Variants in PCIF1 observed in about 807,000 individuals in gnomAD.
PCIF1 encodes the protein phosphorylated CTD interacting factor 1.
Under a neutral mutation model 86.9 loss-of-function variants are expected in PCIF1, and 12 were observed. The observed-to-expected ratio is 0.14, with a 90% CI of 0.09 to 0.22. The LOEUF (loss-of-function observed/expected upper bound fraction) is 0.22. Ranked by LOEUF, PCIF1 falls within the 10% of genes least tolerant of loss-of-function variation. PCIF1 has a pLI of 1.00. For missense variants in PCIF1, 701 were observed against 951.1 expected, an observed-to-expected ratio of 0.74 and a Z score of 3.46; for synonymous variants, 397 against 372.0, an observed-to-expected ratio of 1.07 and a Z score of -0.77.
rs894325078 is a variant in PCIF1 at position 45,943,839 on chromosome 20, T to C, written c.1005+74T>C. On this transcript the variant is annotated intron_variant, in intron 10 of 16. Transcript: ENST00000372409. The surrounding 1 kb of genome is among the most constrained non-coding windows in gnomAD (Gnocchi z 5.5). ...CTTCCTCCAGGAAGCCTACTCTGCC[T>C]GTCCAGGCTGGGCAAGGCCTCCCCC... is the stretch of plus-strand genomic sequence containing the variant. 10 of 1,332,166 alleles carry C rather than the reference T, an allele frequency of 7.5e-6. No individual in the cohort carries two copies. The Admixed American group carries it at 1.0e-4, about 14-fold the overall frequency. 82.5% of individuals were successfully genotyped at this position (1,332,166 alleles called of 1,614,324 possible). A position where few individuals can be genotyped will look rare whatever the true frequency, so the allele number is the denominator to read the frequency against.
At position 45,943,512 on chromosome 20, in the gene PCIF1, C is replaced by A; in HGVS notation, c.905+89C>A. 2.9e-6 allele frequency: 4 copies of A among 1,400,668 alleles called. No individual in the cohort carries two copies. Among genetic ancestry groups the A allele is most frequent in the South Asian group, 2.4e-5 (2 of 83,384 alleles). 86.8% of individuals were successfully genotyped at this position (1,400,668 alleles called of 1,614,324 possible). On this transcript the variant is annotated intron_variant, in intron 9 of 16. Coordinates refer to ENST00000372409, the MANE Select transcript of PCIF1 (RefSeq NM_022104.4). This position sits in a 1 kb window ranked among gnomAD's most constrained non-coding sequence, Gnocchi z 5.5. ...CTTGCCCAGTCTCATGCAGGGCTGTCATTGCTCTCGGTGGCAGAAGTGGGG... is the reference window on the plus strand; with the variant it reads ...CTTGCCCAGTCTCATGCAGGGCTGTAATTGCTCTCGGTGGCAGAAGTGGGG...
chr20:45,934,913 T>G (rs1159623125), intron 1 of PCIF1, 109 bp downstream of exon 1: 1 of 396,256 alleles, frequency 2.5e-6, no homozygotes, highest in Non-Finnish European at 4.4e-6. Flanking sequence ...GACTGCCGCT[T>G]GCCCTGTCTC....
chr20:45,943,378 T>A lies in PCIF1; in HGVS notation c.860T>A (p.Leu287Gln). ...AAGTTCCGGGAGGAAGCCAAGCGCCTGCTCTTTAAATATGCGGAGGCCGCC... is the reference window on the plus strand; with the variant it reads ...AAGTTCCGGGAGGAAGCCAAGCGCCAGCTCTTTAAATATGCGGAGGCCGCC... The part of the protein sequence containing the change: ...RIKFREEAKR[L>Q]LFKYAEAARR... The change falls in exon 9 of 17, where the codon CTG becomes CAG. Residue 287 changes from leucine to glutamine, a missense_variant. Leu to Gln is a moderately radical substitution (Grantham distance 113). This residue lies in a region of PCIF1 where 129 missense variants were observed against 245.9 expected (regional missense o/e 0.52). Coordinates refer to ENST00000372409, the MANE Select transcript of PCIF1 (RefSeq NM_022104.4). The surrounding 1 kb of genome is among the most constrained non-coding windows in gnomAD (Gnocchi z 5.5). 6.2e-7 allele frequency: 1 copy of A among 1,614,112 alleles called. No individual in the cohort carries two copies. The highest frequency in any genetic ancestry group is 8.5e-7 in the Non-Finnish European group (1 of 1,180,010).
chr20:45,945,130 T>TG, intron 11 of PCIF1, 100 bp downstream of exon 11: 1 of 1,388,508 alleles, frequency 7.2e-7, no homozygotes, highest in East Asian at 2.5e-5. Flanking sequence ...GGGACTGGTT[T>TG]GGGGCAGAAC....
intron 1 of PCIF1, among the ~76,000 whole-genome samples, chr20:45,937,018 C>T (rs2083432547): frequency 9.5e-6 from 1 of 105,370 alleles, no homozygotes; most frequent in Non-Finnish European, 2.0e-5. Flanking sequence ...AACTCCTAGC[C>T]CAGCTCCCAA....
Position 45,943,473 on chromosome 20 carries a change from A to G in PCIF1, c.905+50A>G. 6.4e-7 allele frequency: 1 copy of G among 1,557,052 alleles called. No individual in the cohort carries two copies. Among genetic ancestry groups the G allele is most frequent in the Non-Finnish European group, 8.8e-7 (1 of 1,135,174 alleles). On this transcript the variant is annotated intron_variant, in intron 9 of 16. Transcript: ENST00000372409. This position sits in a 1 kb window ranked among gnomAD's most constrained non-coding sequence, Gnocchi z 5.5. ...GAGATGGGTCTGTGATTAAAGTGGC[A>G]GGTCATAGGCCATCTTGCCCAGTCT...
At chr20:45,944,570 A>T (rs1381049584) in intron 10 of PCIF1, among the ~76,000 whole-genome samples, 1 of 152,194 alleles carries the variant, frequency 6.6e-6, no homozygotes, top group East Asian at 1.9e-4. Flanking sequence ...GTGTAACCCC[A>T]ACAAAAGCTA....
chr20:45,946,892 T>G (rs2083532840), intron 14 of PCIF1, among the ~76,000 whole-genome samples, 181 bp from the exon 15 acceptor site: 2 of 152,168 alleles, frequency 1.3e-5, no homozygotes, highest in African/African-American at 4.8e-5. Context: ...TGAGCCTCAC[T>G]CACTGTCCTC....
At chr20:45,946,446 C>T in intron 14 of PCIF1, 62 bp downstream of exon 14, 1 of 1,552,730 alleles carries the variant, frequency 6.4e-7, no homozygotes, top group Non-Finnish European at 8.8e-7. Context: ...AGCACAGGGC[C>T]CGCCTCTGCT....
chr20:45,935,281 C>T (rs1162110842), intron 1 of PCIF1, among the ~76,000 whole-genome samples: 1 of 152,140 alleles, frequency 6.6e-6, no homozygotes, highest in Admixed American at 6.5e-5. Flanking sequence ...CTCCTCCCTA[C>T]TGGGCCGGAG....
intron 2 of PCIF1, among the ~76,000 whole-genome samples, chr20:45,938,208 C>A (rs577739501): frequency 6.6e-6 from 1 of 152,180 alleles, no homozygotes; most frequent in African/African-American, 2.4e-5. Flanking sequence ...CTGGTACTTA[C>A]AGTAAATATT....
At chr20:45,946,665 G>A (rs2083529855) in intron 14 of PCIF1, among the ~76,000 whole-genome samples, 1 of 152,094 alleles carries the variant, frequency 6.6e-6, no homozygotes, top group African/African-American at 2.4e-5. Context: ...TGAGAGGAGT[G>A]AGAAGTGGGG....
Position 45,940,564 on chromosome 20 carries a change from G to A in PCIF1, c.339G>A (p.Arg113=), listed in dbSNP as rs1190675541. ...CGGCTGAGAACAAGCCCAGAAAGCG[G>A]CAGCTCTCGGAAGAGCAGCCAAGCG... ...TPPAENKPRK[R]QLSEEQPSGN... The change falls in exon 5 of 17, where the codon CGG becomes CGA. Residue 113 remains arginine, a synonymous_variant. Coordinates refer to ENST00000372409, the MANE Select transcript of PCIF1 (RefSeq NM_022104.4). The A allele has an allele frequency of 1.9e-6, 3 of 1,609,246 alleles. No homozygotes were observed. The highest frequency in any genetic ancestry group is 2.5e-6 in the Non-Finnish European group (3 of 1,177,774).
At chr20:45,935,481 G>A (rs2083416211) in intron 1 of PCIF1, among the ~76,000 whole-genome samples, 1 of 152,118 alleles carries the variant, frequency 6.6e-6, no homozygotes, top group South Asian at 2.1e-4. Flanking sequence ...GTTAACTTAA[G>A]AGCAGTTATG....
At position 45,947,313 on chromosome 20, in the gene PCIF1, T is replaced by C. The variant is rs1446780969; in HGVS notation, c.1758T>C (p.Pro586=). ...CCCTGTCCTTCATCGTGTTCATCCCTGAGTGGCGGGAACCCCCAACACCAG... is the reference window on the plus strand; with the variant it reads ...CCCTGTCCTTCATCGTGTTCATCCCCGAGTGGCGGGAACCCCCAACACCAG... ...PEPLSFIVFI[P]EWREPPTPAL... The change falls in exon 16 of 17, where the codon CCT becomes CCC. Residue 586 remains proline, a synonymous_variant. Coordinates refer to ENST00000372409, the MANE Select transcript of PCIF1 (RefSeq NM_022104.4). This position sits in a 1 kb window ranked among gnomAD's most constrained non-coding sequence, Gnocchi z 5.4. The C allele has an allele frequency of 6.2e-7, 1 of 1,614,108 alleles. No homozygotes were observed. Among genetic ancestry groups the C allele is most frequent in the Non-Finnish European group, 8.5e-7 (1 of 1,180,012 alleles).
intron 13 of PCIF1, 41 bp downstream of exon 13, chr20:45,946,156 A>G: frequency 6.2e-7 from 1 of 1,614,050 alleles, no homozygotes; most frequent in Non-Finnish European, 8.5e-7. Context: ...CCAGGAGGGA[A>G]CAGGGAGGGT....
rs1802867803 is a variant in PCIF1, at chr20:45,946,401, G to A, written c.1613+17G>A. 1.9e-6 allele frequency: 3 copies of A among 1,610,384 alleles called. No individual in the cohort carries two copies. The highest frequency in any genetic ancestry group is 2.5e-6 in the Non-Finnish European group (3 of 1,179,442). On this transcript the variant is annotated intron_variant, in intron 14 of 16. Transcript: ENST00000372409. ...CTCCCGCGGGTGAGGGCCAAGGGCT[G>A]CCCCTCTACCCAGGCCAGGGAAGAG...
intron 7 of PCIF1, among the ~76,000 whole-genome samples, chr20:45,942,096 C>T (rs1357882609): frequency 6.6e-6 from 1 of 150,868 alleles, no homozygotes; most frequent in African/African-American, 2.4e-5. Context: ...CTGCCTCAGC[C>T]TCCTGAGTAG....
intron 11 of PCIF1, 138 bp from the exon 12 acceptor site, chr20:45,945,573 T>G (rs1279713197): frequency 9.1e-7 from 1 of 1,100,872 alleles, no homozygotes; most frequent in African/African-American, 1.6e-5. Flanking sequence ...GGCTTTTCAT[T>G]CCCTTTCTAC....
Sources: allele counts gnomAD v4.1 joint callset (sites outside exome capture counted in the v4.1 genomes callset), GRCh38; gene constraint gnomAD v4.1.1; regional missense constraint gnomAD v4.1.1; non-coding constraint Gnocchi (gnomAD v3.1); transcripts MANE v1.5; gene names NCBI Gene and HGNC (gene_info 2026-07-23, HGNC 2026-07-21).